Variants in SUMF1 observed in about 807,000 individuals in gnomAD.
SUMF1 encodes the protein sulfatase modifying factor 1.
SUMF1 carries 48 observed loss-of-function variants against 47.6 expected under a neutral mutation model. That is an observed-to-expected ratio of 1.01 (90% CI 0.80 to 1.28). The LOEUF is 1.28. SUMF1 is among the 50% of genes most tolerant of loss of function. The pLI, the probability that SUMF1 is intolerant of heterozygous loss-of-function variation, is 0.00. For synonymous variants in SUMF1, 230 were observed against 192.1 expected (o/e 1.20, Z -1.63); for missense variants, 571 against 485.4 (o/e 1.18, Z -1.66).
At chr3:4,067,150 G>A (rs534712975) in intron 9 of SUMF1, among the ~76,000 whole-genome samples, 1 of 152,254 alleles carries the variant, frequency 6.6e-6, no homozygotes, top group African/African-American at 2.4e-5. Flanking sequence ...CTAGGACCAT[G>A]ACTCTTTTAG....
At chr3:4,287,564 A>G (rs181760503) in intron 8 of SUMF1, among the ~76,000 whole-genome samples, 7 of 152,176 alleles carry the variant, frequency 4.6e-5, no homozygotes, top group Admixed American at 4.6e-4. Context: ...TATTACAGCA[A>G]TTACCAAAAA....
chr3:4,303,932 C>T (rs115308297), intron 8 of SUMF1: 5 of 1,149,838 alleles, frequency 4.3e-6, no homozygotes, highest in Non-Finnish European at 5.6e-6. Context: ...AACAGCCCCT[C>T]GAGTCAGCCT....
intron 3 of SUMF1, among the ~76,000 whole-genome samples, chr3:4,442,383 G>C (rs1702627625): frequency 6.6e-6 from 1 of 151,330 alleles, no homozygotes; most frequent in South Asian, 2.1e-4. Context: ...AGCCTCCCGA[G>C]TAGCTGGGAC....
intron 8 of SUMF1, among the ~76,000 whole-genome samples, chr3:4,081,048 C>G (rs1263507281): frequency 6.6e-6 from 1 of 152,132 alleles, no homozygotes; most frequent in Admixed American, 6.5e-5. Flanking sequence ...AAGCGTTTAG[C>G]CCAGTGACTG....
At chr3:4,449,410 C>T in intron 2 of SUMF1, 70 bp from the exon 3 acceptor site, 6 of 1,420,704 alleles carry the variant, frequency 4.2e-6, no homozygotes, top group Non-Finnish European at 5.0e-6. Flanking sequence ...GCCCTTTTCT[C>T]TCCACACTAT....
At chr3:4,212,281 G>A (rs1223385723) in intron 8 of SUMF1, among the ~76,000 whole-genome samples, 1 of 152,160 alleles carries the variant, frequency 6.6e-6, no homozygotes, top group Non-Finnish European at 1.5e-5. Flanking sequence ...GTGATACCCA[G>A]GCAAACAGCA....
intron 7 of SUMF1, among the ~76,000 whole-genome samples, chr3:4,385,207 A>G (rs976737050): frequency 3.3e-5 from 5 of 152,160 alleles, no homozygotes; most frequent in African/African-American, 1.2e-4. Flanking sequence ...TTTTAAAGAA[A>G]ACGTCAAATT....
intron 8 of SUMF1, among the ~76,000 whole-genome samples, chr3:4,292,803 G>T (rs1426179281): frequency 2.6e-5 from 4 of 152,102 alleles, no homozygotes; most frequent in Non-Finnish European, 5.9e-5. Flanking sequence ...AAACAAAAAT[G>T]CTCTTTGGGG....
At chr3:4,267,346 A>G (rs1473904698) in intron 8 of SUMF1, among the ~76,000 whole-genome samples, 2 of 152,144 alleles carry the variant, frequency 1.3e-5, no homozygotes, top group Non-Finnish European at 2.9e-5. Context: ...CTGTGAATCC[A>G]TCTGGTCCTG....
At chr3:4,441,328 T>C (rs983451394) in intron 3 of SUMF1, among the ~76,000 whole-genome samples, 4 of 152,226 alleles carry the variant, frequency 2.6e-5, no homozygotes, top group East Asian at 1.9e-4. Context: ...ACTGCATAGT[T>C]GCAAGAAAAC....
chr3:4,116,528 C>T (rs144491929), intron 8 of SUMF1, among the ~76,000 whole-genome samples: 5 of 152,042 alleles, frequency 3.3e-5, no homozygotes, highest in South Asian at 4.1e-4. Context: ...TTGAACTCAG[C>T]GCCTCTTTAA....
chr3:4,046,890 T>TAG (rs1022359239), intron 9 of SUMF1, among the ~76,000 whole-genome samples: 1 of 151,776 alleles, frequency 6.6e-6, no homozygotes, highest in Non-Finnish European at 1.5e-5. Context: ...CCAGGAGGCT[T>TAG]CCCTTCCTTC....
intron 8 of SUMF1, among the ~76,000 whole-genome samples, chr3:4,147,721 T>A (rs1019875819): frequency 6.6e-6 from 1 of 152,196 alleles, no homozygotes; most frequent in African/African-American, 2.4e-5. Context: ...ATAACAGTCA[T>A]GATACAGGAT....
chr3:4,061,975 T>C (rs1695284106), intron 9 of SUMF1, among the ~76,000 whole-genome samples: 1 of 152,096 alleles, frequency 6.6e-6, no homozygotes, highest in South Asian at 2.1e-4. Context: ...TCTGTCCCAC[T>C]GGACAGTTCA....
chr3:4,291,221 A>G (rs1313439982), intron 8 of SUMF1, among the ~76,000 whole-genome samples: 2 of 152,182 alleles, frequency 1.3e-5, no homozygotes, highest in East Asian at 3.8e-4. Context: ...TCAATGAGAA[A>G]TTTTCAGATA....
At chr3:4,068,029 C>G (rs711678) in intron 9 of SUMF1, among the ~76,000 whole-genome samples, 1 of 152,284 alleles carries the variant, frequency 6.6e-6, no homozygotes, top group African/African-American at 2.4e-5. Flanking sequence ...ATCTTCCATT[C>G]TAAAACTTGT....
intron 8 of SUMF1, among the ~76,000 whole-genome samples, chr3:4,277,829 G>T (rs1697449847): frequency 6.6e-6 from 1 of 151,888 alleles, no homozygotes; most frequent in Non-Finnish European, 1.5e-5. Flanking sequence ...CTTCCTCTGG[G>T]GTCTCCCATT....
intron 8 of SUMF1, among the ~76,000 whole-genome samples, chr3:4,323,761 G>A (rs1017766041): frequency 6.6e-5 from 10 of 152,092 alleles, no homozygotes; most frequent in African/African-American, 1.7e-4. Flanking sequence ...ACATAACTGT[G>A]CCTAATGCTC....
chr3:4,207,005 A>T (rs1036170194), intron 8 of SUMF1, among the ~76,000 whole-genome samples: 8 of 152,020 alleles, frequency 5.3e-5, no homozygotes, highest in Admixed American at 4.6e-4. Flanking sequence ...CTTTCCACCT[A>T]CTTACGTCTC....
Sources: gnomAD v4.1 joint callset for allele counts (sites outside exome capture counted in the v4.1 genomes callset) on GRCh38, gnomAD v4.1.1 for gene constraint, MANE v1.5 for transcripts, NCBI Gene and HGNC (gene_info 2026-07-23, HGNC 2026-07-21) for gene names.